LCA5: variants seen among roughly 807,000 people sequenced by gnomAD.
LCA5 encodes lebercilin.
In LCA5, 37 loss-of-function variants were observed where a neutral mutation model predicts 53.0. The observed-to-expected ratio is 0.70, with a 90% CI of 0.54 to 0.92. The LOEUF is 0.92. Ranked by LOEUF, LCA5 falls within the 40% of genes least tolerant of loss-of-function variation. LCA5 has a pLI of 0.00. For synonymous variants in LCA5, 303 were observed against 282.9 expected (o/e 1.07, Z -0.71); for missense variants, 806 against 790.5 (o/e 1.02, Z -0.23).
At chr6:79,510,888 A>T (rs2127678299) in intron 3 of LCA5, among the ~76,000 whole-genome samples, 1 of 152,276 alleles carries the variant, frequency 6.6e-6, no homozygotes, top group Non-Finnish European at 1.5e-5. Flanking sequence ...ACCTATCAAG[A>T]TGGCTAAAAC....
intron 1 of LCA5, among the ~76,000 whole-genome samples, chr6:79,531,318 C>T (rs1582657981): frequency 6.6e-6 from 1 of 152,220 alleles, no homozygotes; most frequent in East Asian, 1.9e-4. Flanking sequence ...CCCATACTAC[C>T]TCTCAATGTC....
upstream of LCA5, among the ~76,000 whole-genome samples, chr6:79,538,018 G>GTTTTTTTTTTTTTTTTTT (rs869197362): frequency 3.6e-4 from 16 of 44,164 alleles, 3 homozygotes; most frequent in Non-Finnish European, 4.7e-4. Context: ...TTGCACACAA[G>GTTTTTTTTTTTTTTTTTT]TTTTTTTTTT....
At chr6:79,526,545 A>AAAAAC (rs60323724) in intron 1 of LCA5, among the ~76,000 whole-genome samples, 145 of 152,324 alleles carry the variant, frequency 9.5e-4, no homozygotes, top group African/African-American at 3.4e-3. Flanking sequence ...CACCGTCTCA[A>AAAAAC]AAAACAAAAC....
chr6:79,497,460 C>T (rs574329994), intron 3 of LCA5, among the ~76,000 whole-genome samples: 1 of 152,204 alleles, frequency 6.6e-6, no homozygotes, highest in South Asian at 2.1e-4. Context: ...AATACAAAAA[C>T]CTCATCTATA....
chr6:79,513,275 A>G lies in LCA5; in HGVS notation c.657T>C (p.Asp219=). 1 of 1,613,680 alleles carries G rather than the reference A, an allele frequency of 6.2e-7. No individual in the cohort carries two copies. Among genetic ancestry groups the G allele is most frequent in the Non-Finnish European group, 8.5e-7 (1 of 1,179,780 alleles). Reference sequence around the variant, plus strand: ...CTGAAACTAGTTTCTTTGCCAAATCATCTCGTTCAGGTAGGTGTCTAGCTT... The same window carrying G: ...CTGAAACTAGTTTCTTTGCCAAATCGTCTCGTTCAGGTAGGTGTCTAGCTT... ...ISEARHLPER[D]DLAKKLVSAE... is the part of the protein sequence containing the mutation. Residue 219 remains aspartate, a synonymous_variant, in exon 3 of 8, where the codon GAT becomes GAC. Transcript: ENST00000369846.
chr6:79,516,659 T>C lies in LCA5; in HGVS notation c.190+2046A>G, dbSNP rs989633529. ...CTTTTTATTTTCATTTATAAAACTA[T>C]AAGACAAAATATTTTAAACCATCAA... On this transcript the variant is annotated intron_variant, in intron 2 of 7. Transcript: ENST00000369846. Among the ~76,000 whole-genome samples the C allele has an allele frequency of 3.3e-5, 5 of 152,044 alleles. No homozygotes were observed. In the South Asian group the frequency reaches 1.0e-3, roughly 32 times the overall value.
At chr6:79,523,006 TGGG>T (rs1766671357) in intron 1 of LCA5, among the ~76,000 whole-genome samples, 1 of 151,574 alleles carries the variant, frequency 6.6e-6, no homozygotes, top group Admixed American at 6.6e-5. Flanking sequence ...CAAAGGAAAA[TGGG>T]TAAGGGTAAA....
intron 7 of LCA5, 170 bp from the exon 8 acceptor site, chr6:79,488,036 A>T: frequency 3.3e-6 from 2 of 612,394 alleles, no homozygotes; most frequent in Non-Finnish European, 2.8e-6. Context: ...ATTAGAGAAT[A>T]ATATATTTAA....
intron 1 of LCA5, among the ~76,000 whole-genome samples, chr6:79,528,249 C>T (rs533784579): frequency 6.6e-6 from 1 of 152,242 alleles, no homozygotes; most frequent in South Asian, 2.1e-4. Flanking sequence ...GCAATTCCCT[C>T]GTTCTCTATA....
At chr6:79,504,559 C>G (rs554165311) in intron 3 of LCA5, among the ~76,000 whole-genome samples, 2 of 152,288 alleles carry the variant, frequency 1.3e-5, no homozygotes, top group Admixed American at 6.5e-5. Flanking sequence ...TAGTTGGCCA[C>G]CGGTCACTGG....
At chr6:79,494,579 G>C (rs1769930026) in intron 3 of LCA5, among the ~76,000 whole-genome samples, 2 of 151,864 alleles carry the variant, frequency 1.3e-5, no homozygotes, top group South Asian at 4.2e-4. Flanking sequence ...ATAAAAAGCA[G>C]TTACAATCTC....
chr6:79,524,815 C>A (rs1408766255), intron 1 of LCA5, among the ~76,000 whole-genome samples: 1 of 151,904 alleles, frequency 6.6e-6, no homozygotes, highest in Non-Finnish European at 1.5e-5. Flanking sequence ...GTGTTGGGAC[C>A]CTTTCTCCCC....
chr6:79,493,107 A>G (rs1769887300), intron 4 of LCA5, among the ~76,000 whole-genome samples: 1 of 152,118 alleles, frequency 6.6e-6, no homozygotes, highest in African/African-American at 2.4e-5. Flanking sequence ...ATAATTTTGC[A>G]CTATGTTACA....
At chr6:79,529,474 G>A (rs1463968720) in intron 1 of LCA5, among the ~76,000 whole-genome samples, 1 of 152,096 alleles carries the variant, frequency 6.6e-6, no homozygotes, top group African/African-American at 2.4e-5. Context: ...CAATAAAAGG[G>A]AAGAAAGTTT....
chr6:79,517,861 A>T (rs2629468), intron 2 of LCA5, among the ~76,000 whole-genome samples: 69,039 of 151,860 alleles, frequency 0.45, 16,459 homozygotes, highest in East Asian at 0.82. Context: ...GATGCAAGGC[A>T]TTTCATAATG....
rs1033503845 is a variant in LCA5, at chr6:79,519,041, T to A, written c.-147A>T. 1.1e-5 allele frequency: 10 copies of A among 881,478 alleles called. No homozygotes were observed. The African/African-American group carries it at 1.7e-4, about 15-fold the overall frequency. 54.6% of individuals were successfully genotyped at this position (881,478 alleles called of 1,614,324 possible). A position where few individuals can be genotyped will look rare whatever the true frequency, so the allele number is the denominator to read the frequency against. ...ATCTATTTTCTCCACAATGTATTTG[T>A]AGACCACAATTCACATTGGCATCCA... On this transcript the variant is annotated 5_prime_UTR_variant, in exon 2 of 8. Transcript: ENST00000369846.
At chr6:79,532,548 C>A (rs1182224184) in intron 1 of LCA5, among the ~76,000 whole-genome samples, 3 of 152,170 alleles carry the variant, frequency 2.0e-5, no homozygotes, top group African/African-American at 7.2e-5. Context: ...GCAAACTAGC[C>A]TTCTTCTGTG....
At chr6:79,537,433 A>G (rs1315436245), upstream of LCA5, 2 of 152,458 alleles carry the variant, frequency 1.3e-5, no homozygotes, top group Admixed American at 6.5e-5. Context: ...CCTAGACTGC[A>G]CTACGAAGAG....
intron 7 of LCA5, 147 bp from the exon 8 acceptor site, chr6:79,488,013 T>G: frequency 1.5e-6 from 1 of 655,358 alleles, no homozygotes; most frequent in Non-Finnish European, 2.6e-6. Flanking sequence ...ATTTCTATAC[T>G]TGATATTCTG....
Sources: gnomAD v4.1 joint callset for allele counts (sites outside exome capture counted in the v4.1 genomes callset) on GRCh38, gnomAD v4.1.1 for gene constraint, MANE v1.5 for transcripts, NCBI Gene and HGNC (gene_info 2026-07-23, HGNC 2026-07-21) for gene names.